The following ZNF385B variants were observed in gnomAD, a reference collection of about 807,000 sequenced individuals.
ZNF385B encodes the protein zinc finger protein 385B, also known as zinc finger protein 533.
ZNF385B carries 23 observed loss-of-function variants against 39.2 expected under a neutral mutation model. The observed-to-expected ratio is 0.59, with a 90% confidence interval of 0.42 to 0.83. The LOEUF is 0.83. Ranked by LOEUF, ZNF385B falls within the 40% of genes least tolerant of loss-of-function variation. The pLI is 0.00. For synonymous variants in ZNF385B, 205 were observed against 222.6 expected, an observed-to-expected ratio of 0.92 and a Z score of 0.70; for missense variants, 552 against 598.9, an observed-to-expected ratio of 0.92 and a Z score of 0.82.
chr2:179,579,755 A>C (rs1355986276), intron 3 of ZNF385B, among the ~76,000 whole-genome samples: 1 of 152,186 alleles, frequency 6.6e-6, no homozygotes, highest in Non-Finnish European at 1.5e-5. Context: ...ATGTGCTTAA[A>C]AATAATAACC....
chr2:179,642,580 C>G (rs900934750), intron 3 of ZNF385B, among the ~76,000 whole-genome samples: 3 of 152,076 alleles, frequency 2.0e-5, no homozygotes, highest in Non-Finnish European at 4.4e-5. Context: ...TTCCGAGACA[C>G]CTTCAGAAGT....
At chr2:179,675,960 T>C (rs1026466931) in intron 3 of ZNF385B, among the ~76,000 whole-genome samples, 11 of 150,862 alleles carry the variant, frequency 7.3e-5, no homozygotes, top group African/African-American at 2.7e-4. Context: ...GCTAATTTTT[T>C]GTATTTTTAG....
chr2:179,663,572 T>C (rs994209395), intron 3 of ZNF385B, among the ~76,000 whole-genome samples: 3 of 151,650 alleles, frequency 2.0e-5, no homozygotes, highest in Non-Finnish European at 2.9e-5. Context: ...TAGACGGGCG[T>C]GGTGGCGGGC....
intron 5 of ZNF385B, among the ~76,000 whole-genome samples, chr2:179,502,800 A>G (rs1229852405): frequency 1.3e-5 from 2 of 152,106 alleles, no homozygotes; most frequent in Non-Finnish European, 2.9e-5. Context: ...CCCCACATTC[A>G]ATCCATCACC....
At chr2:179,568,960 T>G (rs1177841534) in intron 3 of ZNF385B, among the ~76,000 whole-genome samples, 1 of 152,260 alleles carries the variant, frequency 6.6e-6, no homozygotes, top group Admixed American at 6.5e-5. Context: ...ATTAGTCATC[T>G]TTACTCATTT....
At chr2:179,786,717 T>G (rs1705027783) in intron 1 of ZNF385B, among the ~76,000 whole-genome samples, 1 of 152,060 alleles carries the variant, frequency 6.6e-6, no homozygotes, top group Middle Eastern at 3.4e-3. Flanking sequence ...TTTTCATTTT[T>G]GACTATTTAA....
intron 3 of ZNF385B, among the ~76,000 whole-genome samples, chr2:179,668,473 A>T (rs1338540795): frequency 3.9e-5 from 6 of 152,050 alleles, no homozygotes; most frequent in Non-Finnish European, 8.8e-5. Flanking sequence ...TTCCTCCTTT[A>T]TTTCTATTTC....
At position 179,711,037 on chromosome 2, in the gene ZNF385B, A is replaced by T. The variant is rs73976342; in HGVS notation, c.298+58466T>A. On this transcript the variant is annotated intron_variant, in intron 3 of 9. Transcript: ENST00000410066. Reference sequence around the variant, plus strand: ...ACCCCCACTGTGGGGTAGGCTGTACATGATGGGACAGGGTGGATAATGGCA... The same window carrying T: ...ACCCCCACTGTGGGGTAGGCTGTACTTGATGGGACAGGGTGGATAATGGCA... Among the ~76,000 whole-genome samples, 280 of 152,350 alleles carry T rather than the reference A, an allele frequency of 1.8e-3. 2 individuals carry two copies. Among genetic ancestry groups the T allele is most frequent in the African/African-American group, 6.6e-3 (274 of 41,578 alleles).
rs777135847 is a variant in ZNF385B, at chr2:179,483,407, T to C, written c.580A>G (p.Ser194Gly). 13 of 1,613,926 alleles carry C rather than the reference T, an allele frequency of 8.1e-6. No individual in the cohort carries two copies. The highest frequency in any genetic ancestry group is 1.1e-5 in the Non-Finnish European group (13 of 1,179,904). The change falls in exon 6 of 10, where the codon AGT becomes GGT. Residue 194 changes from serine to glycine, a missense_variant. Ser to Gly is a moderately conservative substitution (Grantham distance 56). Coordinates refer to ENST00000410066, the MANE Select transcript of ZNF385B (RefSeq NM_152520.6). ...DSQAEAHYKG[S>G]KHAKKVKALD... ...GCTTTGACCTTCTTGGCATGTTTAC[T>C]TCCTTTGTAGTGGGCCTCGGCCTGG...
chr2:179,486,273 T>G (rs1443557139), intron 5 of ZNF385B, among the ~76,000 whole-genome samples: 2 of 152,188 alleles, frequency 1.3e-5, no homozygotes, highest in African/African-American at 2.4e-5. Flanking sequence ...TCCTATGAAA[T>G]AGGCATTATT....
chr2:179,828,549 T>G (rs1251125239), intron 1 of ZNF385B, among the ~76,000 whole-genome samples: 1 of 152,286 alleles, frequency 6.6e-6, no homozygotes, highest in East Asian at 1.9e-4. Context: ...ATGATTTGGT[T>G]TAATACTAAG....
chr2:179,806,547 A>G (rs1274659855), intron 1 of ZNF385B, among the ~76,000 whole-genome samples: 1 of 152,150 alleles, frequency 6.6e-6, no homozygotes, highest in Non-Finnish European at 1.5e-5. Context: ...GTAACCTGAT[A>G]TTTTACATCA....
At chr2:179,663,292 T>A (rs1694710123) in intron 3 of ZNF385B, among the ~76,000 whole-genome samples, 1 of 152,224 alleles carries the variant, frequency 6.6e-6, no homozygotes, top group Non-Finnish European at 1.5e-5. Flanking sequence ...ATGTTTAGTG[T>A]ATTATCAGTC....
At chr2:179,632,687 G>C (rs1428884689) in intron 3 of ZNF385B, among the ~76,000 whole-genome samples, 1 of 152,106 alleles carries the variant, frequency 6.6e-6, no homozygotes, top group Non-Finnish European at 1.5e-5. Context: ...CAGAAGGTAA[G>C]AAATAACTAA....
At chr2:179,659,487 T>A (rs1426953050) in intron 3 of ZNF385B, among the ~76,000 whole-genome samples, 4 of 152,046 alleles carry the variant, frequency 2.6e-5, no homozygotes, top group South Asian at 2.1e-4. Context: ...CAGATTTCTA[T>A]TAAGACTAAT....
At chr2:179,515,267 C>T (rs2058009536) in intron 5 of ZNF385B, among the ~76,000 whole-genome samples, 1 of 152,068 alleles carries the variant, frequency 6.6e-6, no homozygotes, top group African/African-American at 2.4e-5. Flanking sequence ...TAGGCAAATC[C>T]TTATTTGTGA....
chr2:179,520,712 T>C (rs1346858249), intron 4 of ZNF385B, among the ~76,000 whole-genome samples: 2 of 152,242 alleles, frequency 1.3e-5, no homozygotes, highest in South Asian at 2.1e-4. Flanking sequence ...AGATAGTTTC[T>C]GATCTCAGGC....
chr2:179,489,771 T>C (rs1049740555), intron 5 of ZNF385B, among the ~76,000 whole-genome samples: 4 of 152,234 alleles, frequency 2.6e-5, no homozygotes, highest in African/African-American at 9.6e-5. Flanking sequence ...TCTGCTGATA[T>C]TTGCAATTGT....
At chr2:179,546,181 A>T (rs2060219556) in intron 3 of ZNF385B, among the ~76,000 whole-genome samples, 1 of 151,988 alleles carries the variant, frequency 6.6e-6, no homozygotes, top group Non-Finnish European at 1.5e-5. Context: ...GACTACAGGT[A>T]CATGCCACCA....
Sources: gnomAD v4.1 joint callset for allele counts (sites outside exome capture counted in the v4.1 genomes callset) on GRCh38, gnomAD v4.1.1 for gene constraint, MANE v1.5 for transcripts, NCBI Gene and HGNC (gene_info 2026-07-23, HGNC 2026-07-21) for gene names.